The following LRRC75A variants were observed in gnomAD, a reference collection of about 807,000 sequenced individuals.
The protein encoded by LRRC75A is leucine rich repeat containing 75A.
LRRC75A carries 12 observed loss-of-function variants against 26.0 expected under a neutral mutation model. That is an observed-to-expected ratio of 0.46 (90% CI 0.30 to 0.75). LRRC75A has a LOEUF of 0.75. Among genes scored for constraint, LRRC75A ranks in the 30% least tolerant of loss-of-function variants. The pLI is 0.08. For missense variants in LRRC75A, 410 were observed against 486.6 expected, an observed-to-expected ratio of 0.84 and a Z score of 1.48; for synonymous variants, 223 against 219.3, an observed-to-expected ratio of 1.02 and a Z score of -0.15.
chr17:16,444,864 T>TC (rs1244193040), intron 3 of LRRC75A, among the ~76,000 whole-genome samples: 1 of 151,050 alleles, frequency 6.6e-6, no homozygotes, highest in Non-Finnish European at 1.5e-5. Context: ...TTTTTTTTTT[T>TC]TTTGGAGACA....
At chr17:16,447,062 G>A in intron 3 of LRRC75A, 1 of 229,796 alleles carries the variant, frequency 4.4e-6, no homozygotes. Context: ...CAGCACCAAG[G>A]CCTTGGCAGA....
chr17:16,448,628 T>C (rs746254695), intron 2 of LRRC75A, among the ~76,000 whole-genome samples: 1 of 152,206 alleles, frequency 6.6e-6, no homozygotes, highest in Non-Finnish European at 1.5e-5. Context: ...TACCTTGGAA[T>C]GCAGCTGTAT....
chr17:16,475,746 A>C (rs1434513222), intron 1 of LRRC75A, among the ~76,000 whole-genome samples: 1 of 152,178 alleles, frequency 6.6e-6, no homozygotes, highest in Non-Finnish European at 1.5e-5. Flanking sequence ...TAATTAAAAA[A>C]AAAAATTTTG....
chr17:16,447,996 G>T, intron 2 of LRRC75A, 36 bp from the exon 3 acceptor site: 2 of 1,519,316 alleles, frequency 1.3e-6, no homozygotes, highest in African/African-American at 1.4e-5. Flanking sequence ...GGCCCTGAGT[G>T]GCTGGGTGCA....
intron 1 of LRRC75A, among the ~76,000 whole-genome samples, chr17:16,489,123 G>A (rs116114764): frequency 0.015 from 2,243 of 152,266 alleles, 49 homozygotes; most frequent in African/African-American, 0.051. Context: ...CTTTTTCAGA[G>A]CCTCAAAAAG....
intron 1 of LRRC75A, among the ~76,000 whole-genome samples, chr17:16,475,848 A>C (rs1417619543): frequency 6.6e-6 from 1 of 151,872 alleles, no homozygotes; most frequent in African/African-American, 2.4e-5. Flanking sequence ...AGAGTTTGAG[A>C]CCGGCCTGGT....
chr17:16,473,461 G>A (rs898909217), intron 1 of LRRC75A, among the ~76,000 whole-genome samples: 3 of 152,120 alleles, frequency 2.0e-5, no homozygotes, highest in Non-Finnish European at 4.4e-5. Flanking sequence ...CCAGTCTTGG[G>A]GGTTGCCTCT....
chr17:16,450,369 G>A (rs1179151951), intron 2 of LRRC75A, among the ~76,000 whole-genome samples: 2 of 152,178 alleles, frequency 1.3e-5, no homozygotes, highest in Non-Finnish European at 2.9e-5. Flanking sequence ...AAGCAAAGGA[G>A]GGCCCGAGAC....
chr17:16,479,310 C>A (rs1296444986), intron 1 of LRRC75A, among the ~76,000 whole-genome samples: 1 of 152,232 alleles, frequency 6.6e-6, no homozygotes, highest in African/African-American at 2.4e-5. Context: ...GCACAGTGTT[C>A]CACAGTTCAT....
rs199845631 is a variant in LRRC75A at position 16,477,151 on chromosome 17, CTGGGATT to C, written c.246+14587_246+14593del. ...CTACCCGCCTGGGCTTCCCGAAGTT[CTGGGATT>C]ACAGGCATAAGCCACCATGCCTAGC... On this transcript the variant is annotated intron_variant, in intron 1 of 3. Transcript: ENST00000470794. Among the ~76,000 whole-genome samples the C allele has an allele frequency of 3.2e-3, 484 of 152,316 alleles. 1 individual carries two copies. The highest frequency in any genetic ancestry group is 0.011 in the African/African-American group (466 of 41,566).
At chr17:16,483,062 A>G (rs976042045) in intron 1 of LRRC75A, among the ~76,000 whole-genome samples, 1 of 152,154 alleles carries the variant, frequency 6.6e-6, no homozygotes, top group Non-Finnish European at 1.5e-5. Flanking sequence ...GAGGGAGGGG[A>G]GAGAGACCAG....
intron 1 of LRRC75A, among the ~76,000 whole-genome samples, chr17:16,467,530 A>C (rs1307169513): frequency 6.6e-6 from 1 of 152,140 alleles, no homozygotes; most frequent in Non-Finnish European, 1.5e-5. Context: ...AGGAATACAC[A>C]GATGCTTTCT....
In LRRC75A at chr17:16,474,849, C is replaced by T. The variant is rs189747345; in HGVS notation, c.247-12463G>A. On this transcript the variant is annotated intron_variant, in intron 1 of 3. Coordinates refer to ENST00000470794, the MANE Select transcript of LRRC75A (RefSeq NM_001113567.3). ...TCTATTGAAAGTACAAAAAATTAGC[C>T]GGGCGTGGTGGTGGGCGCCTGTAGT... Among the ~76,000 whole-genome samples, 531 of 151,758 alleles carry T rather than the reference C, an allele frequency of 3.5e-3. 13 individuals carry two copies. The highest frequency in any genetic ancestry group is 0.027 in the Admixed American group (416 of 15,200).
intron 1 of LRRC75A, among the ~76,000 whole-genome samples, chr17:16,468,295 G>A (rs899607484): frequency 2.6e-5 from 4 of 152,206 alleles, no homozygotes; most frequent in Admixed American, 6.5e-5. Context: ...GCCAAAAGGC[G>A]AAAACAATCC....
At chr17:16,488,813 G>A (rs1207545203) in intron 1 of LRRC75A, among the ~76,000 whole-genome samples, 1 of 152,206 alleles carries the variant, frequency 6.6e-6, no homozygotes, top group Non-Finnish European at 1.5e-5. Flanking sequence ...TCCAGCAAGT[G>A]ACAAGCTGGA....
intron 2 of LRRC75A, among the ~76,000 whole-genome samples, chr17:16,452,857 G>A (rs1169835687): frequency 6.6e-6 from 1 of 152,120 alleles, no homozygotes; most frequent in African/African-American, 2.4e-5. Flanking sequence ...AACCACCCCA[G>A]GACAGAATGT....
Position 16,491,688 on chromosome 17 carries a change from C to G in LRRC75A, c.246+57G>C, listed in dbSNP as rs924792739. ...CTCGGTTAGGGATGGGGCGCCCCCC[C>G]CGGCCCAGCACGCCCCCTGGCCCGG... On this transcript the variant is annotated intron_variant, in intron 1 of 3. Transcript: ENST00000470794. The surrounding 1 kb of genome is among the most constrained non-coding windows in gnomAD (Gnocchi z 5.9). 2.3e-5 allele frequency: 28 copies of G among 1,216,196 alleles called. No homozygotes were observed. The highest frequency in any genetic ancestry group is 2.6e-5 in the Non-Finnish European group (25 of 962,558). The allele number at this position is 1,216,196 out of a possible 1,614,324, so 75.3% of individuals were successfully genotyped here. A position where few individuals can be genotyped will look rare whatever the true frequency, so the allele number is the denominator to read the frequency against.
Position 16,443,582 on chromosome 17 carries a change from TC to T in LRRC75A, c.*5del, listed in dbSNP as rs2093552676. The T allele has an allele frequency of 3.3e-6, 5 of 1,510,426 alleles. No individual in the cohort carries two copies. Among genetic ancestry groups the T allele is most frequent in the African/African-American group, 1.4e-5 (1 of 72,242 alleles). The allele number at this position is 1,510,426 out of a possible 1,614,324, so 93.6% of individuals were successfully genotyped here. The stretch of plus-strand genomic sequence containing the variant: ...GGACTCCCTGGTGAGGCCCTTCACT[TC>T]CATGTCACGTCTGAGCTGCAGCTAC... On this transcript the variant is annotated 3_prime_UTR_variant, in exon 4 of 4. Coordinates refer to ENST00000470794, the MANE Select transcript of LRRC75A (RefSeq NM_001113567.3).
chr17:16,463,026 T>G (rs2093739789), intron 1 of LRRC75A: 1 of 153,058 alleles, frequency 6.5e-6, no homozygotes, highest in Non-Finnish European at 1.5e-5. Context: ...CAGAAACCGC[T>G]GGAGCAGAGC....
Sources: allele counts gnomAD v4.1 joint callset (sites outside exome capture counted in the v4.1 genomes callset), GRCh38; gene constraint gnomAD v4.1.1; non-coding constraint Gnocchi (gnomAD v3.1); transcripts MANE v1.5; gene names NCBI Gene and HGNC (gene_info 2026-07-23, HGNC 2026-07-21).